The following PON1 variants were observed in gnomAD, a reference collection of about 807,000 sequenced individuals.
The protein encoded by PON1 is serum paraoxonase/arylesterase 1.
Under a neutral mutation model 39.2 loss-of-function variants are expected in PON1, and 37 were observed. That is an observed-to-expected ratio of 0.94 (90% confidence interval 0.73 to 1.24). The LOEUF is 1.24. PON1 is among the 50% of genes most tolerant of loss of function. PON1 has a pLI of 0.00. For synonymous variants in PON1, 148 were observed against 152.2 expected, an observed-to-expected ratio of 0.97 and a Z score of 0.21; for missense variants, 397 against 413.5, an observed-to-expected ratio of 0.96 and a Z score of 0.35.
chr7:95,309,398 T>C (rs1807609297), intron 5 of PON1, among the ~76,000 whole-genome samples: 1 of 152,198 alleles, frequency 6.6e-6, no homozygotes, highest in Non-Finnish European at 1.5e-5. Flanking sequence ...ACTCTCTCTT[T>C]TTTAAAAGTA....
intron 1 of PON1, among the ~76,000 whole-genome samples, chr7:95,324,132 T>C (rs111876091): frequency 2.9e-4 from 44 of 152,326 alleles, no homozygotes; most frequent in African/African-American, 9.1e-4. Flanking sequence ...CAAATCTTCA[T>C]GAAAAATTAA....
chr7:95,322,966 A>G (rs1039449889), intron 1 of PON1, among the ~76,000 whole-genome samples: 10 of 152,202 alleles, frequency 6.6e-5, no homozygotes, highest in Admixed American at 1.3e-4. Context: ...AAAAGGATGC[A>G]TCTATCCTGG....
At chr7:95,314,787 A>G (rs1285098130) in intron 4 of PON1, among the ~76,000 whole-genome samples, 1 of 152,158 alleles carries the variant, frequency 6.6e-6, no homozygotes, top group Non-Finnish European at 1.5e-5. Flanking sequence ...GAAAGGGAGA[A>G]AGGGAGTAAA....
At position 95,316,560 on chromosome 7, in the gene PON1, G is replaced by A. The variant is rs854559; in HGVS notation, c.201+174C>T. Among the ~76,000 whole-genome samples the A allele has an allele frequency of 0.29, 43,652 of 152,030 alleles. 7,017 individuals are homozygous for A. The highest frequency in any genetic ancestry group is 0.43 in the Middle Eastern group (126 of 294). ...AAGAACACAAATATGCATAGAACAC[G>A]CATGATCATAATTATAGCACAAGTG... On this transcript the variant is annotated intron_variant, in intron 3 of 8. Coordinates refer to ENST00000222381, the MANE Select transcript of PON1 (RefSeq NM_000446.7).
At chr7:95,300,822 T>C (rs926765246) in intron 8 of PON1, among the ~76,000 whole-genome samples, 1 of 152,194 alleles carries the variant, frequency 6.6e-6, no homozygotes, top group African/African-American at 2.4e-5. Context: ...CTCCACAGCA[T>C]ACATTTCTTC....
chr7:95,322,271 T>TTATATATATA (rs3046669), intron 1 of PON1, among the ~76,000 whole-genome samples: 23 of 146,584 alleles, frequency 1.6e-4, no homozygotes, highest in African/African-American at 5.5e-4. Context: ...TGCCTGATTT[T>TTATATATATA]TATATATATA....
At chr7:95,302,403 T>C in intron 7 of PON1, 70 bp from the exon 8 acceptor site, 1 of 1,450,358 alleles carries the variant, frequency 6.9e-7, no homozygotes, top group Non-Finnish European at 9.5e-7. Flanking sequence ...GCAAAATATA[T>C]CAGAGAAAAG....
At position 95,299,040 on chromosome 7, in the gene PON1, A is replaced by T; in HGVS notation, c.972T>A (p.Asn324Lys). ...CTGTACTGCCTTGCAACACTGTGCC[A>T]TTTTCTGCATAAACCTGTGTCACTT... ...EPKVTQVYAE[N>K]GTVLQGSTVA... Residue 324 changes from asparagine to lysine, a missense_variant, in exon 9 of 9, where the codon AAT (asparagine) becomes AAA (lysine). Coordinates refer to ENST00000222381, the MANE Select transcript of PON1 (RefSeq NM_000446.7). 1 of 1,614,114 alleles carries T rather than the reference A, an allele frequency of 6.2e-7. No homozygotes were observed. Among genetic ancestry groups the T allele is most frequent in the South Asian group, 1.1e-5 (1 of 91,076 alleles).
intron 4 of PON1, among the ~76,000 whole-genome samples, chr7:95,311,936 A>C (rs1807664483): frequency 6.6e-6 from 1 of 152,238 alleles, no homozygotes; most frequent in African/African-American, 2.4e-5. Context: ...GGAACTCCCA[A>C]TATGAGAAGG....
rs1324225472 is a variant in PON1, at chr7:95,302,202, T to TA, written c.909+2dup. 6.2e-7 allele frequency: 1 copy of TA among 1,608,496 alleles called. No individual in the cohort carries two copies. Among genetic ancestry groups the TA allele is most frequent in the African/African-American group, 1.3e-5 (1 of 74,536 alleles). On this transcript the variant is annotated splice_region_variant and intron_variant, in intron 8 of 8. Transcript: ENST00000222381. ...ACTTATCTGGTTCATTTTTAAAACT[T>TA]ACCTCTGATGCAGGAGGATTCTCTG...
intron 8 of PON1, 127 bp from the exon 9 acceptor site, chr7:95,299,229 C>A: frequency 2.0e-6 from 2 of 1,023,346 alleles, no homozygotes; most frequent in South Asian, 1.3e-5. Context: ...TATTTTGTTC[C>A]AAAATTACAC....
chr7:95,307,680 G>A (rs770763653), intron 6 of PON1, among the ~76,000 whole-genome samples: 5 of 152,090 alleles, frequency 3.3e-5, no homozygotes, highest in South Asian at 2.1e-4. Flanking sequence ...CACTACTGAC[G>A]TATCTATACC....
intron 3 of PON1, among the ~76,000 whole-genome samples, chr7:95,316,412 G>C (rs771121942): frequency 2.5e-4 from 38 of 152,134 alleles, no homozygotes; most frequent in Non-Finnish European, 4.4e-4. Flanking sequence ...GCAAATATTT[G>C]AATATGGCAA....
Position 95,324,529 on chromosome 7 carries a change from C to T in PON1, c.-54G>A. On this transcript the variant is annotated 5_prime_UTR_variant, in exon 1 of 9. Transcript: ENST00000222381. The stretch of plus-strand genomic sequence containing the variant: ...GCGCAGACACCGACGGGCTAGGAGG[C>T]TCTGCCTGCCTGCAGCCGCAGCCCT... 3.9e-6 allele frequency: 6 copies of T among 1,542,962 alleles called. No homozygotes were observed. The highest frequency in any genetic ancestry group is 5.4e-6 in the Non-Finnish European group (6 of 1,120,828).
At chr7:95,314,184 C>T (rs937886714) in intron 4 of PON1, among the ~76,000 whole-genome samples, 8 of 151,888 alleles carry the variant, frequency 5.3e-5, no homozygotes, top group African/African-American at 1.9e-4. Context: ...CATGGTGAAA[C>T]CCCCGTCTCT....
intron 5 of PON1, among the ~76,000 whole-genome samples, chr7:95,310,275 ATTAG>A (rs3917535): frequency 0.012 from 1,774 of 152,326 alleles, 40 homozygotes; most frequent in African/African-American, 0.041. Context: ...ATCTGTTTGA[ATTAG>A]TTAGTGTAGC....
At chr7:95,299,167 T>C (rs1242086802) in intron 8 of PON1, 65 bp from the exon 9 acceptor site, 2 of 1,444,778 alleles carry the variant, frequency 1.4e-6, no homozygotes, top group African/African-American at 2.8e-5. Context: ...TTATGCATAA[T>C]AGGGTCATCC....
Position 95,299,003 on chromosome 7 carries a change from A to T in PON1, c.1009T>A (p.Tyr337Asn). 1 of 1,614,182 alleles carries T rather than the reference A, an allele frequency of 6.2e-7. No individual in the cohort carries two copies. Among genetic ancestry groups the T allele is most frequent in the South Asian group, 1.1e-5 (1 of 91,086 alleles). Residue 337 changes from tyrosine to asparagine, a missense_variant, in exon 9 of 9, where the codon TAC (tyrosine) becomes AAC (asparagine). Physicochemically the swap from Tyr to Asn is moderately radical, Grantham distance 143. Coordinates refer to ENST00000222381, the MANE Select transcript of PON1 (RefSeq NM_000446.7). ...GTGCCAATCAGCAGTTTCCCTTTGT[A>T]CACAGAGGCAACTGTACTGCCTTGC... ...VLQGSTVASV[Y>N]KGKLLIGTVF... is the part of the protein sequence containing the mutation.
In PON1 at chr7:95,298,821, C is replaced by T; in HGVS notation, c.*123G>A. Reference sequence around the variant, plus strand: ...CTCCCAGTTAAACAGTGCTTTGATGCTTCATGATGTCCACATTTAGGGTCA... The same window carrying T: ...CTCCCAGTTAAACAGTGCTTTGATGTTTCATGATGTCCACATTTAGGGTCA... On this transcript the variant is annotated 3_prime_UTR_variant, in exon 9 of 9. Transcript: ENST00000222381. 1 of 1,211,150 alleles carries T rather than the reference C, an allele frequency of 8.3e-7. No homozygotes were observed. Among genetic ancestry groups the T allele is most frequent in the African/African-American group, 1.5e-5 (1 of 67,014 alleles). 75.0% of individuals were successfully genotyped at this position (1,211,150 alleles called of 1,614,324 possible).
Sources: gnomAD v4.1 joint callset for allele counts (sites outside exome capture counted in the v4.1 genomes callset) on GRCh38, gnomAD v4.1.1 for gene constraint, MANE v1.5 for transcripts, NCBI Gene and HGNC (gene_info 2026-07-23, HGNC 2026-07-21) for gene names.